Variants in EXOC2 observed in about 807,000 individuals in gnomAD.
EXOC2 encodes SEC5-like 1.
A neutral mutation model predicts 131.8 loss-of-function variants in EXOC2; 70 were observed. The observed-to-expected ratio is 0.53, with a 90% CI of 0.44 to 0.65. The LOEUF is 0.65. Among genes scored for constraint, EXOC2 ranks in the 30% least tolerant of loss-of-function variants. EXOC2 has a pLI of 0.00. For synonymous variants in EXOC2, 411 were observed against 398.4 expected (o/e 1.03, Z -0.38); for missense variants, 923 against 1,108.6 (o/e 0.83, Z 2.38).
intron 13 of EXOC2, among the ~76,000 whole-genome samples, chr6:567,965 G>A (rs891955960): frequency 6.6e-5 from 10 of 152,246 alleles, no homozygotes; most frequent in African/African-American, 2.2e-4. Context: ...CAAATGGGAT[G>A]AGCAGAGGTT....
chr6:503,009 AGT>A (rs1764317329), intron 23 of EXOC2, among the ~76,000 whole-genome samples: 3 of 152,216 alleles, frequency 2.0e-5, no homozygotes, highest in African/African-American at 7.2e-5. Flanking sequence ...AAAGGGCCGG[AGT>A]GAGGCGGAGC....
intron 1 of EXOC2, among the ~76,000 whole-genome samples, chr6:642,506 T>C (rs1762400326): frequency 6.6e-6 from 1 of 152,118 alleles, no homozygotes; most frequent in African/African-American, 2.4e-5. Flanking sequence ...GGAAAAACAC[T>C]TGGATTTTTT....
At chr6:517,782 T>C (rs1216800825) in intron 23 of EXOC2, among the ~76,000 whole-genome samples, 1 of 152,190 alleles carries the variant, frequency 6.6e-6, no homozygotes. Context: ...AACCTCAAAC[T>C]GATAGCTTCA....
chr6:544,330 A>C (rs533953794), intron 22 of EXOC2, among the ~76,000 whole-genome samples: 3 of 152,218 alleles, frequency 2.0e-5, no homozygotes, highest in Non-Finnish European at 4.4e-5. Flanking sequence ...AGTCCTTCTG[A>C]TGGGGTATCT....
intron 1 of EXOC2, among the ~76,000 whole-genome samples, chr6:662,648 C>CAAAGGTG (rs1763471731): frequency 6.6e-6 from 1 of 152,106 alleles, no homozygotes; most frequent in South Asian, 2.1e-4. Context: ...TGGGATTCAG[C>CAAAGGTG]AAAGGTGGTG....
intron 25 of EXOC2, among the ~76,000 whole-genome samples, chr6:494,342 A>T (rs1174875638): frequency 6.6e-6 from 1 of 152,214 alleles, no homozygotes; most frequent in African/African-American, 2.4e-5. Flanking sequence ...CCAGTAACAC[A>T]GCCTCACATG....
chr6:571,153 C>T (rs762986441), intron 13 of EXOC2, among the ~76,000 whole-genome samples: 41 of 152,208 alleles, frequency 2.7e-4, no homozygotes, highest in Non-Finnish European at 5.0e-4. Context: ...GGAAGAACTT[C>T]CTCTGTATAG....
At chr6:542,134 C>T (rs1581399627) in intron 22 of EXOC2, among the ~76,000 whole-genome samples, 1 of 152,216 alleles carries the variant, frequency 6.6e-6, no homozygotes, top group East Asian at 1.9e-4. Context: ...AGGTGGGTGG[C>T]ATGGCTGTGC....
intron 13 of EXOC2, among the ~76,000 whole-genome samples, chr6:567,432 A>G (rs1758026950): frequency 6.6e-6 from 1 of 151,930 alleles, no homozygotes; most frequent in Non-Finnish European, 1.5e-5. Context: ...TTACAACCCT[A>G]TTTGTTTCTT....
At chr6:521,475 G>A (rs1032986350) in intron 23 of EXOC2, among the ~76,000 whole-genome samples, 1 of 152,168 alleles carries the variant, frequency 6.6e-6, no homozygotes, top group Non-Finnish European at 1.5e-5. Context: ...ATGAAGAAAG[G>A]TAGAACTACA....
intron 22 of EXOC2, among the ~76,000 whole-genome samples, chr6:541,942 G>A (rs146144702): frequency 6.6e-6 from 1 of 152,150 alleles, no homozygotes; most frequent in Non-Finnish European, 1.5e-5. Flanking sequence ...TGTTACAAAC[G>A]AGCATGACCT....
chr6:576,656 C>T, intron 12 of EXOC2, 101 bp downstream of exon 12: 4 of 1,405,630 alleles, frequency 2.8e-6, no homozygotes, highest in Non-Finnish European at 2.9e-6. Context: ...ATACTTAGCA[C>T]CAGTATCAAC....
intron 7 of EXOC2, among the ~76,000 whole-genome samples, chr6:607,788 C>A (rs991737468): frequency 3.3e-5 from 5 of 152,050 alleles, no homozygotes; most frequent in Non-Finnish European, 7.4e-5. Context: ...GGCTTGAAAT[C>A]AAGAATAAGT....
At chr6:640,352 C>T (rs893139145) in intron 1 of EXOC2, among the ~76,000 whole-genome samples, 3 of 152,046 alleles carry the variant, frequency 2.0e-5, no homozygotes, top group Non-Finnish European at 4.4e-5. Flanking sequence ...TTTTCTGACC[C>T]CCAACATTGG....
At chr6:612,228 G>A (rs1213627215) in intron 6 of EXOC2, among the ~76,000 whole-genome samples, 5 of 152,172 alleles carry the variant, frequency 3.3e-5, no homozygotes, top group African/African-American at 9.7e-5. Flanking sequence ...GGCCACATAC[G>A]GCCTCTATCA....
In EXOC2 at chr6:603,182, T is replaced by C. The variant is rs142615907; in HGVS notation, c.743-3957A>G. Among the ~76,000 whole-genome samples, 780 of 152,214 alleles carry C rather than the reference T, an allele frequency of 5.1e-3. 5 individuals are homozygous for C. The highest frequency in any genetic ancestry group is 0.018 in the African/African-American group (735 of 41,524). On this transcript the variant is annotated intron_variant, in intron 7 of 27. Coordinates refer to ENST00000230449, the MANE Select transcript of EXOC2 (RefSeq NM_018303.6). ...ACAGAAGGAACGCCCCCTCACCTGC[T>C]ACCCCACCCACCACAGCACAATGTA...
intron 22 of EXOC2, among the ~76,000 whole-genome samples, chr6:533,514 C>CA (rs1320399553): frequency 1.3e-5 from 2 of 152,058 alleles, no homozygotes; most frequent in Non-Finnish European, 2.9e-5. Context: ...AGGCCAGACA[C>CA]ACGCTCGCTG....
chr6:671,048 CAAAAAAA>C (rs376028047), intron 1 of EXOC2, among the ~76,000 whole-genome samples: 2 of 84,116 alleles, frequency 2.4e-5, no homozygotes, highest in Non-Finnish European at 4.4e-5. Flanking sequence ...GACTCCATCT[CAAAAAAA>C]AAAAAAAAAA....
chr6:652,038 A>G (rs915395559), intron 1 of EXOC2, among the ~76,000 whole-genome samples: 4 of 150,892 alleles, frequency 2.7e-5, no homozygotes, highest in African/African-American at 9.8e-5. Flanking sequence ...CCTGGGCGAC[A>G]GAGTGAGATT....
Sources: allele counts gnomAD v4.1 joint callset (sites outside exome capture counted in the v4.1 genomes callset), GRCh38; gene constraint gnomAD v4.1.1; transcripts MANE v1.5; gene names NCBI Gene and HGNC (gene_info 2026-07-23, HGNC 2026-07-21).